The following BANP variants were observed in gnomAD, a reference collection of about 807,000 sequenced individuals.
The protein encoded by BANP is BTG3 associated nuclear protein, also known as protein BANP.
A neutral mutation model predicts 68.1 loss-of-function variants in BANP; 11 were observed. The ratio of observed to expected loss-of-function variants is 0.16; its 90% CI spans 0.10 to 0.27. The LOEUF is 0.27. BANP is among the 10% of genes least tolerant of loss of function. BANP has a pLI of 1.00. For missense variants in BANP, 504 were observed against 722.7 expected, an observed-to-expected ratio of 0.70 and a Z score of 3.47; for synonymous variants, 329 against 303.2, an observed-to-expected ratio of 1.09 and a Z score of -0.88.
intron 2 of BANP, among the ~76,000 whole-genome samples, chr16:87,979,270 C>T (rs763846625): frequency 6.6e-6 from 1 of 152,140 alleles, no homozygotes; most frequent in African/African-American, 2.4e-5. Flanking sequence ...CCAGAGAGGC[C>T]TGTGCACTTG....
chr16:87,970,392 A>G (rs942518296), intron 1 of BANP, among the ~76,000 whole-genome samples: 1 of 152,168 alleles, frequency 6.6e-6, no homozygotes, highest in Non-Finnish European at 1.5e-5. Flanking sequence ...TCTTTTTCTG[A>G]TGGTAACTCT....
intron 8 of BANP, among the ~76,000 whole-genome samples, chr16:88,028,109 G>A (rs779081654): frequency 3.9e-5 from 6 of 152,248 alleles, no homozygotes; most frequent in Non-Finnish European, 7.3e-5. Flanking sequence ...CTCAGGCATC[G>A]CTGGGGGGAT....
At chr16:88,034,994 C>T (rs2079005267) in intron 9 of BANP, 4 of 267,144 alleles carry the variant, frequency 1.5e-5, no homozygotes, top group East Asian at 9.4e-5. Flanking sequence ...GGACGTGAGT[C>T]GTTCCTTTGT....
intron 1 of BANP, among the ~76,000 whole-genome samples, chr16:87,971,552 C>G (rs556711356): frequency 2.0e-5 from 3 of 149,986 alleles, no homozygotes; most frequent in Admixed American, 6.7e-5. Flanking sequence ...TTATAAGTCA[C>G]CTAGTCTTTT....
chr16:88,018,307 G>A lies in BANP; in HGVS notation c.656-121G>A. 2 of 1,279,698 alleles carry A rather than the reference G, an allele frequency of 1.6e-6. No homozygotes were observed. The highest frequency in any genetic ancestry group is 2.2e-6 in the Non-Finnish European group (2 of 928,702). 79.3% of individuals were successfully genotyped at this position (1,279,698 alleles called of 1,614,324 possible). ...TGGTGACTGCCTCACAAGTTACGAGGGATTTGCCCAGCCCTGCGTGGAGCA... is the reference window on the plus strand; with the variant it reads ...TGGTGACTGCCTCACAAGTTACGAGAGATTTGCCCAGCCCTGCGTGGAGCA... On this transcript the variant is annotated intron_variant, in intron 6 of 13. Transcript: ENST00000682872. This position sits in a 1 kb window ranked among gnomAD's most constrained non-coding sequence, Gnocchi z 7.7.
intron 11 of BANP, among the ~76,000 whole-genome samples, chr16:88,052,606 G>A (rs543597993): frequency 6.0e-5 from 9 of 150,590 alleles, no homozygotes; most frequent in African/African-American, 2.0e-4. Flanking sequence ...TACCACCTCC[G>A]CCACTGTCAT....
intron 11 of BANP, among the ~76,000 whole-genome samples, chr16:88,043,960 T>G (rs2081382235): frequency 6.6e-6 from 1 of 152,178 alleles, no homozygotes; most frequent in Non-Finnish European, 1.5e-5. Flanking sequence ...TTGAGTGCAT[T>G]TTAAATGAAA....
chr16:88,022,339 G>C (rs1035718604), intron 7 of BANP, among the ~76,000 whole-genome samples: 4 of 152,160 alleles, frequency 2.6e-5, no homozygotes, highest in African/African-American at 9.7e-5. Flanking sequence ...GAACACACCC[G>C]ATCTCGTCTG....
chr16:87,979,381 G>C (rs1045394827), intron 2 of BANP, among the ~76,000 whole-genome samples: 2 of 152,190 alleles, frequency 1.3e-5, no homozygotes, highest in Non-Finnish European at 2.9e-5. Context: ...GTGGTCTGCT[G>C]TGGGGTGGGT....
chr16:88,009,140 C>G (rs1412092349), intron 6 of BANP, among the ~76,000 whole-genome samples: 2 of 152,220 alleles, frequency 1.3e-5, no homozygotes, highest in African/African-American at 4.8e-5. Context: ...GTCCTCTCTT[C>G]AGCACTTCCA....
intron 11 of BANP, among the ~76,000 whole-genome samples, chr16:88,047,352 G>T (rs2082266376): frequency 6.6e-6 from 1 of 152,218 alleles, no homozygotes; most frequent in Non-Finnish European, 1.5e-5. Flanking sequence ...ATCTCCGTTA[G>T]GTAGTGAGAG....
intron 11 of BANP, among the ~76,000 whole-genome samples, chr16:88,053,594 A>C (rs1254207223): frequency 1.7e-5 from 2 of 114,498 alleles, no homozygotes; most frequent in African/African-American, 3.6e-5. Flanking sequence ...ATCATCACCA[A>C]CACAACCACC....
chr16:88,023,637 A>T lies in BANP; in HGVS notation c.896-3846A>T, dbSNP rs547013315. The stretch of plus-strand genomic sequence containing the variant: ...CCCATGCCACCCACCAAGGCACAAG[A>T]TGACAAGCCCTCCTGGCTCTCTCAT... On this transcript the variant is annotated intron_variant, in intron 7 of 13. Transcript: ENST00000682872. Among the ~76,000 whole-genome samples the T allele has an allele frequency of 3.9e-5, 6 of 152,298 alleles. No individual in the cohort carries two copies. In the East Asian group the frequency reaches 9.6e-4, roughly 24 times the overall value.
chr16:88,072,561 C>T (rs1407109691), intron 13 of BANP, among the ~76,000 whole-genome samples: 1 of 152,240 alleles, frequency 6.6e-6, no homozygotes, highest in Non-Finnish European at 1.5e-5. Context: ...GAGCTCCCTG[C>T]CCCACTCGTT....
At chr16:87,968,424 C>T (rs12933332) in intron 1 of BANP, among the ~76,000 whole-genome samples, 94,697 of 148,788 alleles carry the variant, frequency 0.64, 30,494 homozygotes, top group Admixed American at 0.68. Flanking sequence ...GCAGAGGTTG[C>T]GGTGAGCTGA....
At chr16:87,988,678 G>C (rs990984462) in intron 4 of BANP, among the ~76,000 whole-genome samples, 18 of 152,198 alleles carry the variant, frequency 1.2e-4, no homozygotes, top group African/African-American at 3.4e-4. Context: ...TCCTTGCTGT[G>C]AGGGATTAGC....
chr16:88,027,839 A>G (rs993457435), intron 8 of BANP, among the ~76,000 whole-genome samples, 189 bp downstream of exon 8: 2 of 152,180 alleles, frequency 1.3e-5, no homozygotes, highest in African/African-American at 4.8e-5. Context: ...CGCCCTTCAC[A>G]CGGACAGCCT....
intron 1 of BANP, among the ~76,000 whole-genome samples, chr16:87,961,392 G>T (rs1597758628): frequency 6.9e-6 from 1 of 144,976 alleles, no homozygotes; most frequent in African/African-American, 2.5e-5. Context: ...TCGAACTCCT[G>T]GACTCACAGA....
chr16:88,058,427 G>A (rs1435709987), intron 11 of BANP, among the ~76,000 whole-genome samples: 4 of 152,146 alleles, frequency 2.6e-5, no homozygotes, highest in Non-Finnish European at 5.9e-5. Flanking sequence ...GGCTTGGTCC[G>A]CAGCAGGGCC....
Sources: allele counts gnomAD v4.1 joint callset (sites outside exome capture counted in the v4.1 genomes callset), GRCh38; gene constraint gnomAD v4.1.1; non-coding constraint Gnocchi (gnomAD v3.1); transcripts MANE v1.5; gene names NCBI Gene and HGNC (gene_info 2026-07-23, HGNC 2026-07-21).